Variants in UHRF2 observed in about 807,000 individuals in gnomAD.
UHRF2 encodes E3 ubiquitin-protein ligase UHRF2.
A neutral mutation model predicts 96.8 loss-of-function variants in UHRF2; 23 were observed. The observed-to-expected ratio is 0.24, with a 90% CI of 0.17 to 0.34. UHRF2 has a LOEUF of 0.34. Among genes scored for constraint, UHRF2 ranks in the 10% least tolerant of loss-of-function variants. The probability of loss-of-function intolerance (pLI) is 1.00; values close to 1 mark genes in which losing one functional copy is unlikely to be tolerated. For missense variants in UHRF2, 685 were observed against 981.5 expected (o/e 0.70, Z 4.04); for synonymous variants, 385 against 332.6 (o/e 1.16, Z -1.72).
rs149531538 is a variant in UHRF2 at position 6,482,993 on chromosome 9, G to T, written c.1392+894G>T. On this transcript the variant is annotated intron_variant, in intron 8 of 15. Coordinates refer to ENST00000276893, the MANE Select transcript of UHRF2 (RefSeq NM_152896.3). Reference sequence around the variant, plus strand: ...GGTATCTGTCGGGGATTGGTTCCAAGATCCCCTATAGACACCAAAGTCTGT... The same window carrying T: ...GGTATCTGTCGGGGATTGGTTCCAATATCCCCTATAGACACCAAAGTCTGT... Among the ~76,000 whole-genome samples the T allele has an allele frequency of 5.3e-3, 811 of 152,132 alleles. 3 individuals are homozygous for T. The highest frequency in any genetic ancestry group is 0.018 in the African/African-American group (752 of 41,520).
intron 2 of UHRF2, among the ~76,000 whole-genome samples, chr9:6,428,738 A>G (rs937226948): frequency 3.9e-5 from 6 of 151,964 alleles, no homozygotes; most frequent in Non-Finnish European, 5.9e-5. Flanking sequence ...TCGTAGAGAC[A>G]GAGTTTCACT....
At chr9:6,486,229 G>C (rs955504335) in intron 8 of UHRF2, among the ~76,000 whole-genome samples, 5 of 152,080 alleles carry the variant, frequency 3.3e-5, no homozygotes, top group African/African-American at 1.2e-4. Context: ...CAAAACTAGA[G>C]GCAGTAAAAA....
intron 3 of UHRF2, chr9:6,449,304 A>G (rs773110725): frequency 2.0e-5 from 3 of 152,160 alleles, no homozygotes; most frequent in Admixed American, 2.0e-4. Flanking sequence ...GGATTTGGCA[A>G]TTTCTGCCCA....
At chr9:6,467,288 T>C (rs1383142096) in intron 4 of UHRF2, among the ~76,000 whole-genome samples, 1 of 152,218 alleles carries the variant, frequency 6.6e-6, no homozygotes, top group Non-Finnish European at 1.5e-5. Flanking sequence ...CAGTTCTTTT[T>C]GTGGCTACAT....
chr9:6,498,282 A>C, intron 12 of UHRF2, 124 bp downstream of exon 12: 1 of 1,037,960 alleles, frequency 9.6e-7, no homozygotes. Flanking sequence ...GGTGAGGAAT[A>C]AGATCATGCA....
intron 1 of UHRF2, among the ~76,000 whole-genome samples, chr9:6,418,392 A>C (rs1415850149): frequency 6.6e-6 from 1 of 151,934 alleles, no homozygotes; most frequent in Admixed American, 6.6e-5. Context: ...GAGGTAGTAC[A>C]TAATTTAATT....
rs747866837 is a variant in UHRF2, at chr9:6,486,948, TC to T, written c.1497+24del. 1.1e-5 allele frequency: 18 copies of T among 1,606,550 alleles called. No homozygotes were observed. The Admixed American group carries it at 1.3e-4, about 12-fold the overall frequency. On this transcript the variant is annotated intron_variant, in intron 9 of 15. Transcript: ENST00000276893. Reference sequence around the variant, plus strand: ...GTCGTAAGTCATTATACAACCTTACTCATTAGTACCTGCCTTGACCATTTGT... The same window carrying T: ...GTCGTAAGTCATTATACAACCTTACTATTAGTACCTGCCTTGACCATTTGT...
intron 14 of UHRF2, among the ~76,000 whole-genome samples, chr9:6,502,114 A>C (rs1049682349): frequency 5.3e-5 from 8 of 152,214 alleles, no homozygotes; most frequent in African/African-American, 1.7e-4. Flanking sequence ...CCAGAAAAAA[A>C]CAGGTGTTAG....
At chr9:6,470,210 T>C (rs1279730484) in intron 4 of UHRF2, among the ~76,000 whole-genome samples, 1 of 152,046 alleles carries the variant, frequency 6.6e-6, no homozygotes, top group Non-Finnish European at 1.5e-5. Flanking sequence ...ATGTCTCTAC[T>C]AAAAGGAAAA....
At chr9:6,447,003 C>T (rs1821555274) in intron 3 of UHRF2, among the ~76,000 whole-genome samples, 1 of 152,080 alleles carries the variant, frequency 6.6e-6, no homozygotes, top group Admixed American at 6.5e-5. Context: ...ATTCTCTTGC[C>T]TCAGCCTCCC....
chr9:6,424,692 T>C (rs1387406358), intron 2 of UHRF2, among the ~76,000 whole-genome samples: 1 of 152,138 alleles, frequency 6.6e-6, no homozygotes, highest in African/African-American at 2.4e-5. Flanking sequence ...TCATGTCCTC[T>C]TTTTGTTCCA....
chr9:6,438,427 T>A (rs780850175), intron 3 of UHRF2, among the ~76,000 whole-genome samples: 1 of 152,240 alleles, frequency 6.6e-6, no homozygotes, highest in African/African-American at 2.4e-5. Context: ...TTTTGTACTT[T>A]AACTAAATAG....
chr9:6,416,411 G>C (rs1819602489), intron 1 of UHRF2, among the ~76,000 whole-genome samples: 1 of 151,892 alleles, frequency 6.6e-6, no homozygotes, highest in South Asian at 2.1e-4. Flanking sequence ...TGCAATTCAG[G>C]GCTATAAGTT....
intron 3 of UHRF2, among the ~76,000 whole-genome samples, chr9:6,451,044 G>A (rs1451419547): frequency 1.3e-5 from 2 of 152,070 alleles, no homozygotes; most frequent in African/African-American, 4.8e-5. Context: ...TAACCTCTGT[G>A]GTTTTATGTT....
intron 2 of UHRF2, among the ~76,000 whole-genome samples, chr9:6,424,109 T>C (rs1437702646): frequency 8.6e-6 from 1 of 115,694 alleles, no homozygotes; most frequent in Non-Finnish European, 2.0e-5. Flanking sequence ...TACTAGATAA[T>C]GCAATTAGGC....
At chr9:6,500,758 TA>T in intron 14 of UHRF2, 49 bp downstream of exon 14, 4 of 1,519,708 alleles carry the variant, frequency 2.6e-6, no homozygotes, top group Non-Finnish European at 3.6e-6. Context: ...TAACAAATGA[TA>T]AATAATTGTC....
At chr9:6,470,410 C>A (rs1210554605) in intron 4 of UHRF2, among the ~76,000 whole-genome samples, 3 of 150,564 alleles carry the variant, frequency 2.0e-5, no homozygotes, top group East Asian at 3.9e-4. Context: ...CATGAAGATA[C>A]CTGTCAAAAA....
intron 8 of UHRF2, among the ~76,000 whole-genome samples, chr9:6,485,803 CAAAAAAAA>C (rs57868028): frequency 1.1e-3 from 67 of 59,222 alleles, no homozygotes; most frequent in African/African-American, 3.0e-3. Flanking sequence ...TGTCTCTACC[CAAAAAAAA>C]AAAAAAAAAA....
chr9:6,487,187 T>TA (rs1563799255), intron 9 of UHRF2, among the ~76,000 whole-genome samples: 28 of 125,314 alleles, frequency 2.2e-4, no homozygotes, highest in African/African-American at 6.4e-4. Context: ...TTTTCCTTTT[T>TA]TTTTTTTTTT....
Sources: gnomAD v4.1 joint callset for allele counts (sites outside exome capture counted in the v4.1 genomes callset) on GRCh38, gnomAD v4.1.1 for gene constraint, MANE v1.5 for transcripts, NCBI Gene and HGNC (gene_info 2026-07-23, HGNC 2026-07-21) for gene names.